Variants in FAM177A1 observed in about 807,000 individuals in gnomAD.
The protein encoded by FAM177A1 is family with sequence similarity 177 member A1.
Under a neutral mutation model 26.1 loss-of-function variants are expected in FAM177A1, and 22 were observed. That is an observed-to-expected ratio of 0.84 (90% CI 0.60 to 1.20). The LOEUF is 1.20. FAM177A1 is among the 50% of genes most tolerant of loss of function. The probability of loss-of-function intolerance (pLI) is 0.00; values close to 1 mark genes in which losing one functional copy is unlikely to be tolerated. For missense variants in FAM177A1, 296 were observed against 291.1 expected, an observed-to-expected ratio of 1.02 and a Z score of -0.12; for synonymous variants, 95 against 99.3, an observed-to-expected ratio of 0.96 and a Z score of 0.26.
At chr14:35,046,694 G>T in intron 1 of FAM177A1, 66 bp downstream of exon 1, 6 of 1,480,858 alleles carry the variant, frequency 4.1e-6, no homozygotes, top group Non-Finnish European at 5.4e-6. Context: ...TCCGCGGGCC[G>T]CTCTTTTAGC....
rs1489374524 is a variant in FAM177A1, at chr14:35,046,566, G to A, written c.103G>A (p.Gly35Arg). 1.9e-6 allele frequency: 3 copies of A among 1,583,970 alleles called. No homozygotes were observed. Among genetic ancestry groups the A allele is most frequent in the Non-Finnish European group, 2.6e-6 (3 of 1,167,450 alleles). ...GGAGCCAGTGGGCGGTGTGGAACGA[G>A]GAGAAGCCGTCGCAGCCTCGGGAGC... Reference protein sequence around the residue: ...DQEPVGGVERGEAVAASGAAA... With the variant: ...DQEPVGGVERREAVAASGAAA... Residue 35 changes from glycine to arginine, a missense_variant, in exon 1 of 5, where the codon GGA (glycine) becomes AGA (arginine). Physicochemically the swap from Gly to Arg is moderately radical, Grantham distance 125. Transcript: ENST00000280987.
intron 1 of FAM177A1, chr14:35,047,098 C>T: frequency 5.1e-6 from 4 of 789,244 alleles, no homozygotes; most frequent in Admixed American, 6.2e-5. Flanking sequence ...GGTGTTAGCC[C>T]CATTTCACCG....
rs1299449498 is a variant in FAM177A1, at chr14:35,052,249, C to CT, written c.166-1018dup. Among the ~76,000 whole-genome samples the CT allele has an allele frequency of 7.2e-3, 1,065 of 147,032 alleles. 7 individuals carry two copies. Among genetic ancestry groups the CT allele is most frequent in the Non-Finnish European group, 0.011 (703 of 66,324 alleles). Reference sequence around the variant, plus strand: ...GGAAGTTTAAACTTCAGGCAGTTTTCTTTTTTTTTTTCCGAGATGGAGTCT... The same window carrying CT: ...GGAAGTTTAAACTTCAGGCAGTTTTCTTTTTTTTTTTTCCGAGATGGAGTCT... On this transcript the variant is annotated intron_variant, in intron 1 of 4. Coordinates refer to ENST00000280987, the MANE Select transcript of FAM177A1 (RefSeq NM_173607.5).
At chr14:35,078,903 G>C in intron 3 of FAM177A1, 24 bp from the exon 4 acceptor site, 1 of 1,480,320 alleles carries the variant, frequency 6.8e-7, no homozygotes, top group South Asian at 1.4e-5. Context: ...AATTATATAA[G>C]TCTTTTAACT....
In FAM177A1 at chr14:35,053,451, G is replaced by T. The variant is rs1266182217; in HGVS notation, c.339G>T (p.Pro113=). ...AAGATGTTTTGCCTACTGTTGATCC[G>T]GTAGGTTTGATATTGATGATTCTTT... The part of the protein sequence containing the change: ...EKKDVLPTVD[P]TKLTWGPYLW... The change falls in exon 2 of 5, where the codon CCG becomes CCT. Residue 113 remains proline (P), a splice_region_variant and synonymous_variant. Coordinates refer to ENST00000280987, the MANE Select transcript of FAM177A1 (RefSeq NM_173607.5). The T allele has an allele frequency of 1.2e-6, 2 of 1,613,398 alleles. No individual in the cohort carries two copies. Among genetic ancestry groups the T allele is most frequent in the East Asian group, 4.5e-5 (2 of 44,854 alleles).
At chr14:35,075,801 A>G (rs2045385413) in intron 2 of FAM177A1, among the ~76,000 whole-genome samples, 1 of 152,258 alleles carries the variant, frequency 6.6e-6, no homozygotes, top group Admixed American at 6.5e-5. Flanking sequence ...ATATGAACAG[A>G]CACTTCAAAA....
chr14:35,082,703 AATTAATAGTTAT>A lies in FAM177A1; in HGVS notation c.*1484_*1495del, dbSNP rs2138579681. 6.6e-6 allele frequency: 1 copy of A among 152,276 alleles called. No individual in the cohort carries two copies. Among genetic ancestry groups the A allele is most frequent in the Non-Finnish European group, 1.5e-5 (1 of 68,020 alleles). 9.4% of individuals were successfully genotyped at this position (152,276 alleles called of 1,614,324 possible). On this transcript the variant is annotated 3_prime_UTR_variant, in exon 5 of 5. Coordinates refer to ENST00000280987, the MANE Select transcript of FAM177A1 (RefSeq NM_173607.5). ...TTTTCAGAAACTCAAAGCTTTCAGA[AATTAATAGTTAT>A]ATTAATAGCCTTCTAAACAGCATTA...
rs760909986 is a variant in FAM177A1 at position 35,081,115 on chromosome 14, G to A, written c.598G>A (p.Asp200Asn). 1.9e-6 allele frequency: 3 copies of A among 1,613,644 alleles called. No individual in the cohort carries two copies. In the East Asian group the frequency reaches 6.7e-5, roughly 36 times the overall value. Reference sequence around the variant, plus strand: ...GCAGACTGATTCCATTGTTCAGACAGATCAACCAGAGACAGTGATATCCAG... The same window carrying A: ...GCAGACTGATTCCATTGTTCAGACAAATCAACCAGAGACAGTGATATCCAG... ...KLQTDSIVQT[D>N]QPETVISSSF... is the part of the protein sequence containing the mutation. The change falls in exon 5 of 5, where the codon GAT becomes AAT. Residue 200 changes from aspartate (D) to asparagine (N), a missense_variant. Transcript: ENST00000280987.
At chr14:35,062,674 T>C (rs2045176946) in intron 2 of FAM177A1, among the ~76,000 whole-genome samples, 1 of 151,908 alleles carries the variant, frequency 6.6e-6, no homozygotes, top group South Asian at 2.1e-4. Flanking sequence ...CTCATGCCTA[T>C]AATCTTTGCT....
intron 3 of FAM177A1, among the ~76,000 whole-genome samples, chr14:35,077,704 G>T (rs369547495): frequency 3.3e-4 from 50 of 150,350 alleles, no homozygotes; most frequent in African/African-American, 1.1e-3. Flanking sequence ...GGATGGTCTC[G>T]ATCTCCTGAC....
At chr14:35,056,640 G>A (rs1415164418) in intron 2 of FAM177A1, among the ~76,000 whole-genome samples, 1 of 152,150 alleles carries the variant, frequency 6.6e-6, no homozygotes, top group Non-Finnish European at 1.5e-5. Flanking sequence ...TTACAGGTGT[G>A]AGCCAGCGCC....
upstream of FAM177A1, chr14:35,046,223 A>ACCCGC (rs896418234): frequency 7.9e-3 from 2,585 of 328,094 alleles, 56 homozygotes; most frequent in African/African-American, 0.061. Flanking sequence ...CCCCGCAAGG[A>ACCCGC]CCCGCCCCGC....
At chr14:35,062,744 T>C (rs1304606736) in intron 2 of FAM177A1, among the ~76,000 whole-genome samples, 1 of 149,606 alleles carries the variant, frequency 6.7e-6, no homozygotes, top group East Asian at 2.0e-4. Context: ...CAGTGAGCCA[T>C]GATCATGCCA....
chr14:35,050,579 AAATT>A (rs952906648), intron 1 of FAM177A1, among the ~76,000 whole-genome samples: 3 of 151,950 alleles, frequency 2.0e-5, no homozygotes, highest in African/African-American at 7.3e-5. Context: ...TAGAAGGAAA[AAATT>A]AAGCCAATGA....
chr14:35,079,997 A>C (rs778335633), intron 4 of FAM177A1, among the ~76,000 whole-genome samples: 3 of 152,146 alleles, frequency 2.0e-5, no homozygotes, highest in Non-Finnish European at 4.4e-5. Context: ...TAACACTGTA[A>C]GCCTTGCTTA....
chr14:35,055,934 G>A (rs981217808), intron 2 of FAM177A1, among the ~76,000 whole-genome samples: 5 of 151,998 alleles, frequency 3.3e-5, no homozygotes, highest in African/African-American at 4.8e-5. Flanking sequence ...TTTCATTGTC[G>A]TTTTGATTTA....
rs1251866015 is a variant in FAM177A1, at chr14:35,082,590, A to G, written c.*1362A>G. On this transcript the variant is annotated 3_prime_UTR_variant, in exon 5 of 5. Transcript: ENST00000280987. ...ATATATCTCTAAATGTGTGTATAGA[A>G]CCTTTTATCAGTATAACATTGATTT... 6.6e-6 allele frequency: 1 copy of G among 152,040 alleles called. No individual in the cohort carries two copies. Among genetic ancestry groups the G allele is most frequent in the African/African-American group, 2.4e-5 (1 of 41,404 alleles). The allele number at this position is 152,040 out of a possible 1,614,324, so 9.4% of individuals were successfully genotyped here.
chr14:35,081,086 A>C lies in FAM177A1; in HGVS notation c.569A>C (p.Lys190Thr). ...GCAGAAAAACAATATCAACAGAATA[A>C]ATTGCAGACTGATTCCATTGTTCAG... ...EEAEKQYQQN[K>T]LQTDSIVQTD... Residue 190 changes from lysine to threonine, a missense_variant, in exon 5 of 5, where the codon AAA (lysine) becomes ACA (threonine). By Grantham distance (78) the Lys-to-Thr change is moderately conservative. Transcript: ENST00000280987. The C allele has an allele frequency of 1.9e-6, 3 of 1,613,550 alleles. No individual in the cohort carries two copies. In the South Asian group the frequency reaches 3.3e-5, roughly 18 times the overall value.
At chr14:35,051,730 G>T (rs937561724) in intron 1 of FAM177A1, among the ~76,000 whole-genome samples, 1 of 152,214 alleles carries the variant, frequency 6.6e-6, no homozygotes, top group South Asian at 2.1e-4. Flanking sequence ...AAATTTTCAT[G>T]ATCTGCAGTT....
Sources: allele counts gnomAD v4.1 joint callset (sites outside exome capture counted in the v4.1 genomes callset), GRCh38; gene constraint gnomAD v4.1.1; transcripts MANE v1.5; gene names NCBI Gene and HGNC (gene_info 2026-07-23, HGNC 2026-07-21).